Variants in SORCS2 observed in about 807,000 individuals in gnomAD.
The protein encoded by SORCS2 is sortilin related VPS10 domain containing receptor 2, also known as VPS10 domain-containing receptor SorCS2.
SORCS2 carries 100 observed loss-of-function variants against 141.6 expected under a neutral mutation model. That is an observed-to-expected ratio of 0.71 (90% confidence interval 0.60 to 0.83). The LOEUF is 0.83. SORCS2 is among the 40% of genes least tolerant of loss of function. The pLI is 0.00. For synonymous variants in SORCS2, 789 were observed against 676.9 expected (o/e 1.17, Z -2.57); for missense variants, 1,646 against 1,560.2 (o/e 1.05, Z -0.93).
At chr4:7,485,115 G>A (rs1730894266) in intron 2 of SORCS2, among the ~76,000 whole-genome samples, 1 of 152,270 alleles carries the variant, frequency 6.6e-6, no homozygotes, top group East Asian at 1.9e-4. Context: ...ACCCTCCTGA[G>A]GGTCTCACTC....
intron 2 of SORCS2, among the ~76,000 whole-genome samples, chr4:7,406,103 G>A (rs187435048): frequency 6.6e-6 from 1 of 152,158 alleles, no homozygotes; most frequent in Admixed American, 6.5e-5. Flanking sequence ...CCACTTGATT[G>A]TGGTGTATTA....
At chr4:7,541,099 C>T (rs541845199) in intron 3 of SORCS2, among the ~76,000 whole-genome samples, 8 of 152,354 alleles carry the variant, frequency 5.3e-5, no homozygotes, top group African/African-American at 1.7e-4. Context: ...CCAACCCATC[C>T]TTTCTGTCTC....
intron 3 of SORCS2, among the ~76,000 whole-genome samples, chr4:7,588,094 C>T (rs529214306): frequency 1.2e-4 from 19 of 152,282 alleles, no homozygotes; most frequent in South Asian, 8.3e-4. Context: ...AGGAGATCAG[C>T]GGTCATTAAA....
chr4:7,526,015 TCA>T (rs1349408564), intron 2 of SORCS2, among the ~76,000 whole-genome samples: 1 of 123,444 alleles, frequency 8.1e-6, no homozygotes, highest in Non-Finnish European at 1.7e-5. Context: ...TGTCCCCTCC[TCA>T]GTCACCTGTC....
chr4:7,740,314 G>A lies in SORCS2; in HGVS notation c.*50G>A. ...ACCCACGGAGGGCACAGAACCACCA[G>A]CAAAGCCGGCGGCTGGACTGGCGCC... On this transcript the variant is annotated 3_prime_UTR_variant, in exon 27 of 27. Transcript: ENST00000507866. 1.3e-6 allele frequency: 2 copies of A among 1,556,752 alleles called. No individual in the cohort carries two copies. The highest frequency in any genetic ancestry group is 8.8e-7 in the Non-Finnish European group (1 of 1,141,268).
At chr4:7,210,520 A>T (rs1728002082) in intron 1 of SORCS2, among the ~76,000 whole-genome samples, 1 of 152,034 alleles carries the variant, frequency 6.6e-6, no homozygotes, top group Admixed American at 6.5e-5. Flanking sequence ...GGCTCGAGGG[A>T]TCTATCCACC....
At chr4:7,386,644 G>T (rs893288331) in intron 1 of SORCS2, among the ~76,000 whole-genome samples, 2 of 147,056 alleles carry the variant, frequency 1.4e-5, no homozygotes, top group African/African-American at 5.4e-5. Flanking sequence ...TGCACACACA[G>T]ATACACAGAA....
intron 2 of SORCS2, among the ~76,000 whole-genome samples, chr4:7,496,439 CACT>C (rs1560332329): frequency 6.6e-3 from 508 of 77,448 alleles, no homozygotes; most frequent in Middle Eastern, 0.015. Context: ...CCCCCCCCCC[CACT>C]CCCCACCCGT....
intron 3 of SORCS2, among the ~76,000 whole-genome samples, chr4:7,619,431 C>G (rs1050633402): frequency 6.6e-6 from 1 of 152,206 alleles, no homozygotes; most frequent in Non-Finnish European, 1.5e-5. Flanking sequence ...TCCCTTAAAA[C>G]AGTCCGGAAG....
chr4:7,554,571 C>T (rs1225966854), intron 3 of SORCS2, among the ~76,000 whole-genome samples: 1 of 152,096 alleles, frequency 6.6e-6, no homozygotes, highest in African/African-American at 2.4e-5. Flanking sequence ...CAGCAAACAC[C>T]ATTAAAGTGT....
intron 3 of SORCS2, among the ~76,000 whole-genome samples, chr4:7,578,634 ATGAGTGT>A (rs1295795981): frequency 4.6e-5 from 7 of 152,210 alleles, no homozygotes; most frequent in South Asian, 4.1e-4. Context: ...AAAGCCGAGA[ATGAGTGT>A]TGAGTGCCTG....
chr4:7,538,587 T>TCACACACACACACACACA (rs34526550), intron 3 of SORCS2, among the ~76,000 whole-genome samples: 273 of 150,686 alleles, frequency 1.8e-3, no homozygotes, highest in African/African-American at 5.8e-3. Context: ...AATATTAAAA[T>TCACACACACACACACACA]CACACACACA....
intron 1 of SORCS2, among the ~76,000 whole-genome samples, chr4:7,217,691 G>A (rs563041378): frequency 1.3e-5 from 2 of 152,264 alleles, no homozygotes; most frequent in East Asian, 1.9e-4. Context: ...TCCTTGACTC[G>A]TTATGTAGCT....
chr4:7,400,876 T>A (rs867178537), intron 2 of SORCS2, among the ~76,000 whole-genome samples: 2 of 151,276 alleles, frequency 1.3e-5, no homozygotes, highest in South Asian at 4.2e-4. Flanking sequence ...AATGGAAGAA[T>A]AGGTGGATAG....
intron 1 of SORCS2, among the ~76,000 whole-genome samples, chr4:7,214,189 C>T (rs1728199867): frequency 6.6e-6 from 1 of 152,182 alleles, no homozygotes; most frequent in South Asian, 2.1e-4. Flanking sequence ...CCCTCCTAAA[C>T]TCAATGCTGA....
At chr4:7,199,717 C>G (rs116178084) in intron 1 of SORCS2, among the ~76,000 whole-genome samples, 1 of 152,032 alleles carries the variant, frequency 6.6e-6, no homozygotes, top group Non-Finnish European at 1.5e-5. Flanking sequence ...ACTCTGCCTT[C>G]GTTTGTATTC....
At chr4:7,338,362 A>G (rs1720147133) in intron 1 of SORCS2, among the ~76,000 whole-genome samples, 1 of 149,094 alleles carries the variant, frequency 6.7e-6, no homozygotes, top group Non-Finnish European at 1.5e-5. Context: ...AGTTGGATGG[A>G]TGGATGGATG....
At chr4:7,724,012 G>T in intron 19 of SORCS2, 129 bp downstream of exon 19, 1 of 1,054,130 alleles carries the variant, frequency 9.5e-7, no homozygotes, top group Non-Finnish European at 1.3e-6. Flanking sequence ...GAACCCGAGG[G>T]CAGGGAGGCA....
At chr4:7,366,425 C>T (rs1317997046) in intron 1 of SORCS2, among the ~76,000 whole-genome samples, 2 of 151,436 alleles carry the variant, frequency 1.3e-5, no homozygotes, top group African/African-American at 4.9e-5. Context: ...GGAGGCGTTT[C>T]CATCCCATAG....
Sources: gnomAD v4.1 joint callset for allele counts (sites outside exome capture counted in the v4.1 genomes callset) on GRCh38, gnomAD v4.1.1 for gene constraint, MANE v1.5 for transcripts, NCBI Gene and HGNC (gene_info 2026-07-23, HGNC 2026-07-21) for gene names.